The following AR variants were observed in gnomAD, a reference collection of about 807,000 sequenced individuals.
AR encodes the protein dihydrotestosterone receptor.
A neutral mutation model predicts 53.9 loss-of-function variants in AR; 8 were observed. The ratio of observed to expected loss-of-function variants is 0.15; its 90% CI spans 0.09 to 0.27. The LOEUF is 0.27. AR is among the 10% of genes least tolerant of loss of function. AR has a pLI of 1.00. For missense variants in AR, 639 were observed against 742.5 expected (o/e 0.86, Z 1.62); for synonymous variants, 359 against 316.4 (o/e 1.13, Z -1.43).
At chrX:67,670,479 T>A (rs2075857533) in intron 2 of AR, among the ~76,000 whole-genome samples, 1 of 106,414 alleles carries the variant, frequency 9.4e-6, no homozygotes, top group Admixed American at 1.0e-4. Flanking sequence ...AGATATTTCA[T>A]GCAAATGGAA....
At chrX:67,625,327 T>C (rs1172739239) in intron 1 of AR, among the ~76,000 whole-genome samples, 1 of 111,572 alleles carries the variant, frequency 9.0e-6, no homozygotes, top group Non-Finnish European at 1.9e-5. Flanking sequence ...ATTGTCAAGA[T>C]GGAAATACTC....
chrX:67,701,182 ATGT>A (rs759256704), intron 3 of AR, among the ~76,000 whole-genome samples: 156 of 111,778 alleles, frequency 1.4e-3, no homozygotes, highest in African/African-American at 5.0e-3. Context: ...TAATTTTTTA[ATGT>A]TGTAATTAAT....
At chrX:67,647,607 G>A (rs1926116371) in intron 2 of AR, among the ~76,000 whole-genome samples, 1 of 112,286 alleles carries the variant, frequency 8.9e-6, no homozygotes, top group African/African-American at 3.2e-5. Flanking sequence ...TGGCCAAGGA[G>A]TTGACTGATC....
At chrX:67,660,138 AAAAGTTTTCTCCCATTCTGTAGGTTGCC>A (rs1404098334) in intron 2 of AR, among the ~76,000 whole-genome samples, 1 of 111,925 alleles carries the variant, frequency 8.9e-6, no homozygotes, top group Admixed American at 9.5e-5. Context: ...AGTAGATTGC[AAAAGTTTTCTCCCATTCTGTAGGTTGCC>A]TGTTCACTCT....
At chrX:67,643,043 C>T (rs963156086) in intron 1 of AR, among the ~76,000 whole-genome samples, 2 of 111,773 alleles carry the variant, frequency 1.8e-5, no homozygotes, top group African/African-American at 6.5e-5. Flanking sequence ...GAGAACTTCC[C>T]TAATCCCTTG....
At chrX:67,623,175 C>A (rs1263010644) in intron 1 of AR, among the ~76,000 whole-genome samples, 1 of 110,402 alleles carries the variant, frequency 9.1e-6, no homozygotes, top group Non-Finnish European at 1.9e-5. Flanking sequence ...ACCCCCCCGC[C>A]CCCATAAATC....
intron 2 of AR, among the ~76,000 whole-genome samples, chrX:67,669,814 G>C (rs1451019545): frequency 9.1e-6 from 1 of 109,320 alleles, no homozygotes; most frequent in Non-Finnish European, 1.9e-5. Context: ...TTTTCTCTTT[G>C]TGTAGTGTTT....
At chrX:67,551,100 A>T (rs1316062792) in intron 1 of AR, among the ~76,000 whole-genome samples, 1 of 104,059 alleles carries the variant, frequency 9.6e-6, no homozygotes, top group East Asian at 3.0e-4. Context: ...CAATTTCATA[A>T]AGTATTTTGT....
Position 67,546,318 on chromosome X carries a change from A to C in AR, c.1172A>C (p.Asn391Thr), listed in dbSNP as rs1929736617. The change falls in exon 1 of 8, where the codon AAC becomes ACC. Residue 391 changes from asparagine to threonine, a missense_variant. Asn to Thr is a moderately conservative substitution (Grantham distance 65). Transcript: ENST00000374690. The stretch of plus-strand genomic sequence containing the variant: ...CCCCACGCTCGCATCAAGCTGGAGA[A>C]CCCGCTGGACTACGGCAGCGCCTGG... The part of the protein sequence containing the change: ...PHPHARIKLE[N>T]PLDYGSAWAA... 1.7e-6 allele frequency: 2 copies of C among 1,196,461 alleles called. No individual in the cohort carries two copies. Among genetic ancestry groups the C allele is most frequent in the African/African-American group, 1.8e-5 (1 of 57,079 alleles).
chrX:67,718,699 TCTC>T (rs1293259737), intron 5 of AR, among the ~76,000 whole-genome samples: 3 of 110,739 alleles, frequency 2.7e-5, no homozygotes, highest in African/African-American at 9.9e-5. Context: ...GGCGCAATGA[TCTC>T]AGCCCAGTGC....
intron 3 of AR, among the ~76,000 whole-genome samples, 158 bp from the exon 4 acceptor site, chrX:67,711,244 A>C (rs1190336548): frequency 8.9e-6 from 1 of 112,172 alleles, no homozygotes; most frequent in Non-Finnish European, 1.9e-5. Context: ...TTATACATTT[A>C]ACCAGTGTTG....
chrX:67,576,322 A>G (rs1270541183), intron 1 of AR, among the ~76,000 whole-genome samples: 1 of 110,619 alleles, frequency 9.0e-6, no homozygotes, highest in Non-Finnish European at 1.9e-5. Flanking sequence ...GTTCCATTGT[A>G]TATAGTTGAC....
chrX:67,583,240 T>A (rs1420828664), intron 1 of AR, among the ~76,000 whole-genome samples: 1 of 112,376 alleles, frequency 8.9e-6, no homozygotes, highest in East Asian at 2.8e-4. Flanking sequence ...TAGCTTTTTC[T>A]ATAGCACATA....
At chrX:67,670,444 C>T (rs1713916878) in intron 2 of AR, among the ~76,000 whole-genome samples, 1 of 104,396 alleles carries the variant, frequency 9.6e-6, no homozygotes. Flanking sequence ...AAGAAACACG[C>T]TGCCTGAAAG....
intron 1 of AR, among the ~76,000 whole-genome samples, chrX:67,600,297 C>T (rs762626934): frequency 9.0e-6 from 1 of 110,616 alleles, no homozygotes; most frequent in South Asian, 3.8e-4. Context: ...AAACAGAGCT[C>T]CATCAACAGG....
At chrX:67,652,834 G>A (rs983373612) in intron 2 of AR, among the ~76,000 whole-genome samples, 1 of 112,010 alleles carries the variant, frequency 8.9e-6, no homozygotes, top group African/African-American at 3.2e-5. Context: ...ATTCTATAGT[G>A]AGAGGACTCT....
Position 67,712,074 on chromosome X carries a change from G to T in AR, c.2173+385G>T, listed in dbSNP as rs141617370. Among the ~76,000 whole-genome samples the T allele has an allele frequency of 3.7e-3, 416 of 111,848 alleles. 2 individuals are homozygous for T. Among genetic ancestry groups the T allele is most frequent in the African/African-American group, 0.013 (404 of 30,824 alleles). On this transcript the variant is annotated intron_variant, in intron 4 of 7. Coordinates refer to ENST00000374690, the MANE Select transcript of AR (RefSeq NM_000044.6). ...CCCAAAGATAATCTCTAGTTTGACT[G>T]ACATTCTGTCTTCAATGTCATCTTT...
chrX:67,721,041 C>A (rs1422862692), intron 5 of AR, among the ~76,000 whole-genome samples: 2 of 111,625 alleles, frequency 1.8e-5, no homozygotes, highest in East Asian at 5.7e-4. Context: ...GCATTGGCCA[C>A]TTCCCCATAT....
intron 1 of AR, among the ~76,000 whole-genome samples, chrX:67,569,442 A>G (rs893030940): frequency 1.8e-5 from 2 of 111,022 alleles, no homozygotes; most frequent in East Asian, 2.9e-4. Context: ...GTACCAGGGT[A>G]TGTGTGTCTG....
Sources: allele counts gnomAD v4.1 joint callset (sites outside exome capture counted in the v4.1 genomes callset), GRCh38; gene constraint gnomAD v4.1.1; transcripts MANE v1.5; gene names NCBI Gene and HGNC (gene_info 2026-07-23, HGNC 2026-07-21).